Variants in ASIC2 observed in about 807,000 individuals in gnomAD.
ASIC2 encodes the protein acid sensing ion channel subunit 2.
A neutral mutation model predicts 57.3 loss-of-function variants in ASIC2; 25 were observed. That is an observed-to-expected ratio of 0.44 (90% confidence interval 0.32 to 0.61). The LOEUF (loss-of-function observed/expected upper bound fraction) is 0.61, where lower values mean the gene tolerates loss of function less well. Among genes scored for constraint, ASIC2 ranks in the 20% least tolerant of loss-of-function variants. The pLI, the probability that ASIC2 is intolerant of heterozygous loss-of-function variation, is 0.06. For missense variants in ASIC2, 641 were observed against 738.1 expected (o/e 0.87, Z 1.52); for synonymous variants, 319 against 307.5 (o/e 1.04, Z -0.39).
rs187952101 is a variant in ASIC2 at position 33,726,869 on chromosome 17, A to G, written c.555+429109T>C. 8.5e-5 allele frequency among the ~76,000 whole-genome samples: 13 copies of G among 152,370 alleles called. No individual in the cohort carries two copies. In the East Asian group the frequency reaches 2.5e-3, roughly 29 times the overall value. ...ATTATAGACACCTCAGGGCAGAAAG[A>G]AGGTTCAGAGATACTTGGTCTTGCA... On this transcript the variant is annotated intron_variant, in intron 1 of 9. Transcript: ENST00000359872.
At chr17:33,044,261 CCCATCCATCCATCCATCCATCCAT>C (rs3052916) in intron 3 of ASIC2, among the ~76,000 whole-genome samples, 1 of 137,614 alleles carries the variant, frequency 7.3e-6, no homozygotes, top group Non-Finnish European at 1.6e-5. Flanking sequence ...CATCCATCTA[CCCATCCATCCATCCATCCATCCAT>C]CCATCCATCC....
intron 1 of ASIC2, among the ~76,000 whole-genome samples, chr17:34,051,113 G>A (rs1908538494): frequency 6.6e-6 from 1 of 152,170 alleles, no homozygotes; most frequent in African/African-American, 2.4e-5. Flanking sequence ...GTCCAGAAAT[G>A]CCAAATTCCA....
At chr17:33,208,113 C>A (rs1907137498) in intron 1 of ASIC2, among the ~76,000 whole-genome samples, 1 of 152,164 alleles carries the variant, frequency 6.6e-6, no homozygotes, top group African/African-American at 2.4e-5. Flanking sequence ...TCCCCTGACC[C>A]CCTGACTGGG....
At chr17:33,716,307 C>T (rs1373354319) in intron 1 of ASIC2, among the ~76,000 whole-genome samples, 1 of 152,180 alleles carries the variant, frequency 6.6e-6, no homozygotes, top group Non-Finnish European at 1.5e-5. Flanking sequence ...GATAAAGACT[C>T]AAATCTTCAG....
intron 1 of ASIC2, among the ~76,000 whole-genome samples, chr17:33,579,499 G>A (rs1297593580): frequency 6.6e-6 from 1 of 152,028 alleles, no homozygotes; most frequent in African/African-American, 2.4e-5. Context: ...GCCTTACTGT[G>A]CCCAGAATTG....
At chr17:33,788,359 A>G (rs762341313) in intron 1 of ASIC2, among the ~76,000 whole-genome samples, 9 of 152,198 alleles carry the variant, frequency 5.9e-5, no homozygotes, top group Non-Finnish European at 1.2e-4. Flanking sequence ...ATGAGATACC[A>G]TCTCATGCCG....
chr17:33,177,616 T>A (rs1378180349), intron 1 of ASIC2, among the ~76,000 whole-genome samples: 2 of 152,076 alleles, frequency 1.3e-5, no homozygotes, highest in Non-Finnish European at 2.9e-5. Context: ...CTGACACCCA[T>A]CAGCTGACAG....
intron 1 of ASIC2, among the ~76,000 whole-genome samples, chr17:33,873,943 C>G (rs1194761732): frequency 1.3e-5 from 2 of 152,208 alleles, no homozygotes; most frequent in Non-Finnish European, 2.9e-5. Context: ...AGCCAGGCAG[C>G]TGGGGCTTCC....
At chr17:33,514,204 C>T (rs1437721601) in intron 1 of ASIC2, among the ~76,000 whole-genome samples, 1 of 152,174 alleles carries the variant, frequency 6.6e-6, no homozygotes, top group Non-Finnish European at 1.5e-5. Context: ...ATCTTGACCA[C>T]CTGCCACTCC....
rs556899497 is a variant in ASIC2, at chr17:33,248,280, C to A, written c.708+43128G>T. ...GCCTGTTCAAGGAACAGTGAGAAGG[C>A]CAGTGTAGGTGGAGTGGCTGAGTAC... On this transcript the variant is annotated intron_variant, in intron 1 of 9. Transcript: ENST00000225823. 9.2e-5 allele frequency among the ~76,000 whole-genome samples: 14 copies of A among 152,230 alleles called. No individual in the cohort carries two copies. In the South Asian group the frequency reaches 2.1e-3, roughly 23 times the overall value.
At chr17:33,604,224 A>G (rs1905173040) in intron 1 of ASIC2, among the ~76,000 whole-genome samples, 1 of 152,244 alleles carries the variant, frequency 6.6e-6, no homozygotes, top group Admixed American at 6.5e-5. Flanking sequence ...ATTCAGAATT[A>G]GAATCCAGAT....
rs1374889351 is a variant in ASIC2, at chr17:33,292,674, G to T, written c.-559C>A. ...GGAGAGAAGGCGCCAAGGAACGAGC[G>T]CCCCCAGAGGCGCACCGCGGCTCCT... On this transcript the variant is annotated 5_prime_UTR_variant, in exon 1 of 10. Transcript: ENST00000225823. 3.0e-6 allele frequency: 3 copies of T among 985,472 alleles called. No individual in the cohort carries two copies. Among genetic ancestry groups the T allele is most frequent in the Non-Finnish European group, 3.6e-6 (3 of 830,066 alleles). 61.0% of individuals were successfully genotyped at this position (985,472 alleles called of 1,614,324 possible). A position where few individuals can be genotyped will look rare whatever the true frequency, so the allele number is the denominator to read the frequency against.
chr17:33,149,307 A>C (rs1271028586), intron 1 of ASIC2, among the ~76,000 whole-genome samples: 1 of 152,190 alleles, frequency 6.6e-6, no homozygotes, highest in Non-Finnish European at 1.5e-5. Context: ...ATGAACTACA[A>C]ACTTTGTTTC....
chr17:33,633,581 G>A (rs938781499), intron 1 of ASIC2, among the ~76,000 whole-genome samples: 1 of 152,132 alleles, frequency 6.6e-6, no homozygotes, highest in Non-Finnish European at 1.5e-5. Flanking sequence ...TGCAGCCTAC[G>A]CCTGCCATGT....
intron 1 of ASIC2, among the ~76,000 whole-genome samples, chr17:33,461,914 C>T (rs1366577872): frequency 2.0e-5 from 3 of 152,234 alleles, no homozygotes; most frequent in African/African-American, 2.4e-5. Context: ...ATTGATCCAT[C>T]CGCCTAGCCA....
rs146153624 is a variant in ASIC2 at position 33,812,598 on chromosome 17, T to A, written c.555+343380A>T. On this transcript the variant is annotated intron_variant, in intron 1 of 9. Transcript: ENST00000359872. ...AGGAGTAGAATGTAGGAATGATGGATCCTGGGCAGAGAGGACCTGACCCAG... is the reference window on the plus strand; with the variant it reads ...AGGAGTAGAATGTAGGAATGATGGAACCTGGGCAGAGAGGACCTGACCCAG... 5.3e-5 allele frequency among the ~76,000 whole-genome samples: 8 copies of A among 152,212 alleles called. No individual in the cohort carries two copies. In the East Asian group the frequency reaches 1.5e-3, roughly 29 times the overall value.
At chr17:33,118,561 T>G (rs956458100) in intron 1 of ASIC2, among the ~76,000 whole-genome samples, 1 of 152,154 alleles carries the variant, frequency 6.6e-6, no homozygotes, top group African/African-American at 2.4e-5. Flanking sequence ...GCTGGTGCTT[T>G]GCTGACATTA....
intron 1 of ASIC2, among the ~76,000 whole-genome samples, chr17:33,764,915 T>C (rs970994725): frequency 2.0e-4 from 30 of 152,112 alleles, no homozygotes; most frequent in African/African-American, 6.5e-4. Flanking sequence ...TTACTTTCTC[T>C]CTTCTGCTCA....
At chr17:33,021,417 A>G (rs938714171) in intron 6 of ASIC2, 107 bp from the exon 7 acceptor site, 19 of 940,588 alleles carry the variant, frequency 2.0e-5, no homozygotes, top group Non-Finnish European at 3.0e-5. Flanking sequence ...AGGCCCAGGA[A>G]GTGAGGCAGC....
Sources: gnomAD v4.1 joint callset for allele counts (sites outside exome capture counted in the v4.1 genomes callset) on GRCh38, gnomAD v4.1.1 for gene constraint, MANE v1.5 for transcripts, NCBI Gene and HGNC (gene_info 2026-07-23, HGNC 2026-07-21) for gene names.